The following LRFN5 variants were observed in gnomAD, a reference collection of about 807,000 sequenced individuals.
LRFN5 encodes leucine-rich repeat and fibronectin type-III domain-containing protein 5.
LRFN5 carries 24 observed loss-of-function variants against 45.6 expected under a neutral mutation model. The observed-to-expected ratio is 0.53, with a 90% CI of 0.38 to 0.74. The LOEUF is 0.74. LRFN5 is among the 30% of genes least tolerant of loss of function. The pLI is 0.00. For synonymous variants in LRFN5, 340 were observed against 313.8 expected, an observed-to-expected ratio of 1.08 and a Z score of -0.88; for missense variants, 776 against 861.5, an observed-to-expected ratio of 0.90 and a Z score of 1.24.
chr14:41,828,753 C>T (rs1408017523), intron 2 of LRFN5, among the ~76,000 whole-genome samples: 3 of 151,940 alleles, frequency 2.0e-5, no homozygotes, highest in African/African-American at 7.2e-5. Context: ...TACTATTTCT[C>T]ACTTTGAGTA....
intron 1 of LRFN5, among the ~76,000 whole-genome samples, chr14:41,712,534 TA>T (rs901678893): frequency 1.3e-5 from 2 of 152,340 alleles, no homozygotes. Flanking sequence ...TAGGTTTTGT[TA>T]TATAACTTGG....
intron 1 of LRFN5, among the ~76,000 whole-genome samples, chr14:41,713,217 A>C (rs1314796443): frequency 6.6e-6 from 1 of 152,158 alleles, no homozygotes; most frequent in Non-Finnish European, 1.5e-5. Context: ...TTCCAGCTAA[A>C]GACTTAAATG....
chr14:41,886,017 C>T (rs1479939768), intron 2 of LRFN5, among the ~76,000 whole-genome samples: 1 of 34,472 alleles, frequency 2.9e-5, no homozygotes, highest in African/African-American at 1.6e-4. Flanking sequence ...CAAGGCTCGT[C>T]TCAAAAAAAA....
intron 2 of LRFN5, among the ~76,000 whole-genome samples, chr14:41,804,433 T>G (rs1248401180): frequency 6.6e-6 from 1 of 152,090 alleles, no homozygotes; most frequent in Non-Finnish European, 1.5e-5. Context: ...ATTTCTACAA[T>G]AGTGATATTA....
chr14:41,736,241 A>G (rs1199872860), intron 1 of LRFN5, among the ~76,000 whole-genome samples: 4 of 152,168 alleles, frequency 2.6e-5, no homozygotes, highest in African/African-American at 9.6e-5. Context: ...TAGCGTTACT[A>G]TTTCTCCACA....
intron 2 of LRFN5, among the ~76,000 whole-genome samples, chr14:41,767,753 A>C (rs1335184891): frequency 3.3e-5 from 5 of 152,212 alleles, no homozygotes; most frequent in Non-Finnish European, 7.4e-5. Context: ...TGGGCTTTCT[A>C]ACTTCTAGGG....
At chr14:41,879,535 A>C (rs1890301568) in intron 2 of LRFN5, among the ~76,000 whole-genome samples, 1 of 151,192 alleles carries the variant, frequency 6.6e-6, no homozygotes, top group African/African-American at 2.4e-5. Flanking sequence ...GTGTATTTAT[A>C]TTGTTATATA....
intron 2 of LRFN5, among the ~76,000 whole-genome samples, chr14:41,789,254 C>T (rs1384545555): frequency 6.6e-6 from 1 of 151,734 alleles, no homozygotes; most frequent in Non-Finnish European, 1.5e-5. Context: ...TCAATTGTTG[C>T]CTTTTTATTT....
intron 1 of LRFN5, among the ~76,000 whole-genome samples, chr14:41,684,858 G>T (rs1321797512): frequency 6.6e-6 from 1 of 152,146 alleles, no homozygotes; most frequent in East Asian, 1.9e-4. Flanking sequence ...ACAAAGTGAA[G>T]TGGTAATCCA....
At chr14:41,712,423 A>T (rs924249666) in intron 1 of LRFN5, among the ~76,000 whole-genome samples, 1 of 152,150 alleles carries the variant, frequency 6.6e-6, no homozygotes, top group Non-Finnish European at 1.5e-5. Flanking sequence ...CAAAGAAAAA[A>T]TAAAAGGTAA....
intron 1 of LRFN5, among the ~76,000 whole-genome samples, chr14:41,650,978 A>G (rs1486407880): frequency 6.6e-6 from 1 of 151,972 alleles, no homozygotes; most frequent in Non-Finnish European, 1.5e-5. Context: ...GATACATACC[A>G]AAATCTTACA....
chr14:41,691,583 A>C (rs1195336293), intron 1 of LRFN5, among the ~76,000 whole-genome samples: 2 of 152,062 alleles, frequency 1.3e-5, no homozygotes, highest in African/African-American at 4.8e-5. Context: ...ATACATATAC[A>C]ATTTATACGT....
At chr14:41,836,851 T>C (rs2139045002) in intron 2 of LRFN5, among the ~76,000 whole-genome samples, 1 of 152,242 alleles carries the variant, frequency 6.6e-6, no homozygotes, top group East Asian at 1.9e-4. Flanking sequence ...GAAATTTTCC[T>C]GTTCAGCCTG....
At chr14:41,674,975 G>A (rs1055384043) in intron 1 of LRFN5, among the ~76,000 whole-genome samples, 1 of 150,462 alleles carries the variant, frequency 6.6e-6, no homozygotes, top group African/African-American at 2.4e-5. Context: ...GGGCGGCAGG[G>A]CAAAGTCGCT....
chr14:41,755,976 C>T lies in LRFN5; in HGVS notation c.-196-10878C>T, dbSNP rs183464407. ...GGCAGGCCTGGCGGTGAGAAAATCT[C>T]TCAGCATTTGCTTGTCTGTAAAGTA... is the stretch of plus-strand genomic sequence containing the variant. On this transcript the variant is annotated intron_variant, in intron 1 of 5. Coordinates refer to ENST00000298119, the MANE Select transcript of LRFN5 (RefSeq NM_152447.5). Among the ~76,000 whole-genome samples, 6 of 152,294 alleles carry T rather than the reference C, an allele frequency of 3.9e-5. No homozygotes were observed. In the East Asian group the frequency reaches 9.7e-4, roughly 25 times the overall value.
In LRFN5 at chr14:41,673,813, T is replaced by G. The variant is rs181800243; in HGVS notation, c.-197+65251T>G. 1.6e-3 allele frequency among the ~76,000 whole-genome samples: 224 copies of G among 143,144 alleles called. 3 individuals carry two copies. Among genetic ancestry groups the G allele is most frequent in the African/African-American group, 5.6e-3 (216 of 38,354 alleles). 93.9% of individuals were successfully genotyped at this position (143,144 alleles called of 152,430 possible). ...CGGGCGGGGGGTGACCCCCCCCACC[T>G]CATTCCCGGATGGGGCAGATGGCCG... On this transcript the variant is annotated intron_variant, in intron 1 of 5. Transcript: ENST00000298119.
chr14:41,763,927 T>C (rs998142512), intron 1 of LRFN5, among the ~76,000 whole-genome samples: 3 of 152,120 alleles, frequency 2.0e-5, no homozygotes, highest in Admixed American at 2.0e-4. Context: ...ACAATAACAG[T>C]TGCTGAATTT....
At chr14:41,797,317 C>T (rs548357263) in intron 2 of LRFN5, among the ~76,000 whole-genome samples, 33 of 151,626 alleles carry the variant, frequency 2.2e-4, no homozygotes, top group African/African-American at 7.5e-4. Context: ...TTATTTTTCT[C>T]AGTATTTAGA....
At position 41,827,613 on chromosome 14, in the gene LRFN5, T is replaced by C. The variant is rs1344467614; in HGVS notation, c.-20-58993T>C. 2.0e-5 allele frequency among the ~76,000 whole-genome samples: 3 copies of C among 151,986 alleles called. No individual in the cohort carries two copies. The East Asian group carries it at 5.8e-4, about 29-fold the overall frequency. Reference sequence around the variant, plus strand: ...CCCTGAAATTCTGGGCACCATCTGATATTAATTTTTCCTTGACATAAATTC... The same window carrying C: ...CCCTGAAATTCTGGGCACCATCTGACATTAATTTTTCCTTGACATAAATTC... On this transcript the variant is annotated intron_variant, in intron 2 of 5. Coordinates refer to ENST00000298119, the MANE Select transcript of LRFN5 (RefSeq NM_152447.5).
Sources: gnomAD v4.1 joint callset for allele counts (sites outside exome capture counted in the v4.1 genomes callset) on GRCh38, gnomAD v4.1.1 for gene constraint, MANE v1.5 for transcripts, NCBI Gene and HGNC (gene_info 2026-07-23, HGNC 2026-07-21) for gene names.